AAMDC: variants seen among roughly 807,000 people sequenced by gnomAD.
The protein encoded by AAMDC is mth938 domain-containing protein.
In AAMDC, 16 loss-of-function variants were observed where a neutral mutation model predicts 15.5. That is an observed-to-expected ratio of 1.03 (90% CI 0.70 to 1.57). The LOEUF (loss-of-function observed/expected upper bound fraction) is 1.57. Ranked by LOEUF, AAMDC falls within the 40% of genes most tolerant of loss-of-function variation. The pLI, the probability that AAMDC is intolerant of heterozygous loss-of-function variation, is 0.00. For missense variants in AAMDC, 141 were observed against 144.9 expected, an observed-to-expected ratio of 0.97 and a Z score of 0.14; for synonymous variants, 51 against 51.6, an observed-to-expected ratio of 0.99 and a Z score of 0.05.
chr11:77,900,288 A>C (rs1952727037), intron 5 of AAMDC, among the ~76,000 whole-genome samples: 1 of 152,006 alleles, frequency 6.6e-6, no homozygotes. Flanking sequence ...TTTAGTAGAG[A>C]CAGGGTTTCA....
At chr11:77,885,368 C>A (rs1181905708) in intron 5 of AAMDC, among the ~76,000 whole-genome samples, 1 of 152,068 alleles carries the variant, frequency 6.6e-6, no homozygotes, top group Non-Finnish European at 1.5e-5. Flanking sequence ...TGAGCCACCA[C>A]ACCTGGCCTA....
At chr11:77,905,340 C>G (rs867237686), downstream of AAMDC, among the ~76,000 whole-genome samples, 4 of 152,030 alleles carry the variant, frequency 2.6e-5, no homozygotes, top group Middle Eastern at 6.8e-3. Context: ...ACCTGTAATC[C>G]CAGCTACTTG....
intron 3 of AAMDC, chr11:77,870,182 TAA>T (rs1358805226): frequency 5.5e-4 from 83 of 151,832 alleles, no homozygotes; most frequent in Admixed American, 1.0e-3. Context: ...AAATTTAATT[TAA>T]TTTTTTTTTT....
chr11:77,859,512 T>C (rs1950785135), intron 2 of AAMDC, among the ~76,000 whole-genome samples: 1 of 152,214 alleles, frequency 6.6e-6, no homozygotes. Flanking sequence ...AGAGTCTGTA[T>C]ATATATTTAC....
chr11:77,839,302 G>T (rs1230833535), intron 1 of AAMDC, among the ~76,000 whole-genome samples: 3 of 152,036 alleles, frequency 2.0e-5, no homozygotes, highest in Non-Finnish European at 2.9e-5. Context: ...AACACACTTG[G>T]CTTTTTTTTG....
rs185303597 is a variant in AAMDC, at chr11:77,858,131, G to A, written c.133-11591G>A. Reference sequence around the variant, plus strand: ...ACTCCTGGACTCAAGCAATCCTGTCGCGTCAGCCTCCTGAGTAGCTGAGAC... The same window carrying A: ...ACTCCTGGACTCAAGCAATCCTGTCACGTCAGCCTCCTGAGTAGCTGAGAC... On this transcript the variant is annotated intron_variant, in intron 2 of 3. Coordinates refer to ENST00000393427, the MANE Select transcript of AAMDC (RefSeq NM_024684.4). 5.3e-5 allele frequency among the ~76,000 whole-genome samples: 8 copies of A among 151,450 alleles called. No individual in the cohort carries two copies. In the East Asian group the frequency reaches 7.8e-4, roughly 15 times the overall value.
chr11:77,902,595 C>T (rs572113375), downstream of AAMDC, among the ~76,000 whole-genome samples: 356 of 152,316 alleles, frequency 2.3e-3, 1 homozygote, highest in Non-Finnish European at 3.5e-3. Flanking sequence ...CTAAAACAGA[C>T]TTAATACTTA....
At chr11:77,879,867 A>G (rs553557247) in intron 5 of AAMDC, among the ~76,000 whole-genome samples, 31 of 152,308 alleles carry the variant, frequency 2.0e-4, no homozygotes, top group African/African-American at 7.2e-4. Context: ...TATCCATTCT[A>G]TGCCAAACAG....
At chr11:77,888,415 AAATT>A (rs1952113308) in intron 5 of AAMDC, among the ~76,000 whole-genome samples, 1 of 152,238 alleles carries the variant, frequency 6.6e-6, no homozygotes, top group Non-Finnish European at 1.5e-5. Flanking sequence ...CCTTATACAA[AAATT>A]AATTCAAGAT....
chr11:77,891,571 T>C, intron 5 of AAMDC: 3 of 1,566,892 alleles, frequency 1.9e-6, no homozygotes, highest in Non-Finnish European at 2.6e-6. Flanking sequence ...TGGGAGCCAC[T>C]CAGAGGAACA....
intron 2 of AAMDC, among the ~76,000 whole-genome samples, chr11:77,855,084 G>A (rs373250518): frequency 3.3e-5 from 5 of 152,130 alleles, no homozygotes; most frequent in East Asian, 1.9e-4. Flanking sequence ...TGGAGTGGCC[G>A]TGATGCAGGG....
chr11:77,904,601 T>C (rs545442451), downstream of AAMDC, among the ~76,000 whole-genome samples: 2 of 152,350 alleles, frequency 1.3e-5, no homozygotes, highest in Non-Finnish European at 2.9e-5. Flanking sequence ...CTGGTGGCTA[T>C]CAAATTAAAC....
intron 5 of AAMDC, among the ~76,000 whole-genome samples, chr11:77,880,433 C>G (rs1452946768): frequency 1.3e-5 from 2 of 152,308 alleles, no homozygotes; most frequent in East Asian, 1.9e-4. Context: ...CATCAAGTAC[C>G]AGCCATGTGA....
At position 77,853,570 on chromosome 11, in the gene AAMDC, G is replaced by A. The variant is rs577891436; in HGVS notation, c.132+10942G>A. 2.6e-3 allele frequency among the ~76,000 whole-genome samples: 403 copies of A among 152,262 alleles called. 5 individuals carry two copies. The highest frequency in any genetic ancestry group is 5.7e-4 in the Non-Finnish European group (39 of 68,020). The stretch of plus-strand genomic sequence containing the variant: ...CACTGGGGATTATAATTCGATATGA[G>A]ATTTGGTCAGGGACACAAATTCAAA... On this transcript the variant is annotated intron_variant, in intron 2 of 3. Coordinates refer to ENST00000393427, the MANE Select transcript of AAMDC (RefSeq NM_024684.4).
chr11:77,823,194 G>A (rs550502345), intron 1 of AAMDC, among the ~76,000 whole-genome samples: 5 of 109,022 alleles, frequency 4.6e-5, no homozygotes, highest in Non-Finnish European at 6.8e-5. Context: ...CAGCCTGGGC[G>A]ACAGAGCAAG....
At chr11:77,896,027 G>A (rs1309376570) in intron 5 of AAMDC, among the ~76,000 whole-genome samples, 1 of 152,160 alleles carries the variant, frequency 6.6e-6, no homozygotes, top group Non-Finnish European at 1.5e-5. Flanking sequence ...TGTTATAAAC[G>A]ACAATCAGGA....
chr11:77,832,949 ATATGTGTGTGTG>A lies in AAMDC; in HGVS notation c.-18-9528_-18-9517del, dbSNP rs1275790329. On this transcript the variant is annotated intron_variant, in intron 1 of 3. Transcript: ENST00000393427. ...TTATTGTGCACTTTATTGTATATAT[ATATGTGTGTGTG>A]TGTGTGTGTGTGTGTGTGTGTGTGT... Among the ~76,000 whole-genome samples, 957 of 96,198 alleles carry A rather than the reference ATATGTGTGTGTG, an allele frequency of 9.9e-3. 32 individuals are homozygous for A. The highest frequency in any genetic ancestry group is 0.029 in the African/African-American group (603 of 20,958). 63.1% of individuals were successfully genotyped at this position (96,198 alleles called of 152,430 possible). A position where few individuals can be genotyped will look rare whatever the true frequency, so the allele number is the denominator to read the frequency against.
In AAMDC at chr11:77,869,706, C is replaced by A. The variant is rs1314259449; in HGVS notation, c.133-16C>A. 3 of 1,611,876 alleles carry A rather than the reference C, an allele frequency of 1.9e-6. No homozygotes were observed. The African/African-American group carries it at 4.0e-5, about 22-fold the overall frequency. On this transcript the variant is annotated splice_polypyrimidine_tract_variant and intron_variant, in intron 2 of 3. Transcript: ENST00000393427. ...TTGAGAGCAGGTACCTGTCTACTTT[C>A]TCTTTCCACATCCAGCATTCTCCTG...
At chr11:77,842,161 T>G (rs1034042360) in intron 1 of AAMDC, among the ~76,000 whole-genome samples, 6 of 152,146 alleles carry the variant, frequency 3.9e-5, no homozygotes, top group Non-Finnish European at 5.9e-5. Flanking sequence ...TTATAGTTTC[T>G]TCTTGGGGAG....
Sources: allele counts gnomAD v4.1 joint callset (sites outside exome capture counted in the v4.1 genomes callset), GRCh38; gene constraint gnomAD v4.1.1; transcripts MANE v1.5; gene names NCBI Gene and HGNC (gene_info 2026-07-23, HGNC 2026-07-21).